The following ALPK2 variants were observed in gnomAD, a reference collection of about 807,000 sequenced individuals.
The protein encoded by ALPK2 is alpha-protein kinase 2.
Under a neutral mutation model 163.1 loss-of-function variants are expected in ALPK2, and 127 were observed. That is an observed-to-expected ratio of 0.78 (90% CI 0.67 to 0.90). ALPK2 has a LOEUF of 0.90. Among genes scored for constraint, ALPK2 ranks in the 40% least tolerant of loss-of-function variants. The probability of loss-of-function intolerance (pLI) is 0.00; values close to 1 mark genes in which losing one functional copy is unlikely to be tolerated. For missense variants in ALPK2, 2,360 were observed against 2,589.6 expected (o/e 0.91, Z 1.92); for synonymous variants, 953 against 959.1 (o/e 0.99, Z 0.12).
intron 8 of ALPK2, among the ~76,000 whole-genome samples, chr18:58,520,023 T>C (rs955393549): frequency 2.0e-5 from 3 of 152,304 alleles, no homozygotes; most frequent in African/African-American, 7.2e-5. Flanking sequence ...ACTGCAAGTC[T>C]CAGGTTGTGA....
intron 4 of ALPK2, among the ~76,000 whole-genome samples, chr18:58,541,559 T>A (rs2051689811): frequency 6.6e-6 from 1 of 152,228 alleles, no homozygotes; most frequent in Non-Finnish European, 1.5e-5. Context: ...TGTAAAAAAA[T>A]TGGTTGAATC....
intron 4 of ALPK2, among the ~76,000 whole-genome samples, chr18:58,558,451 G>GT (rs1223878644): frequency 3.9e-5 from 6 of 152,148 alleles, no homozygotes; most frequent in African/African-American, 1.4e-4. Context: ...AGTAAAAGAC[G>GT]TAAGTGTCTT....
In ALPK2 at chr18:58,523,860, G is replaced by C. The variant is rs779789870; in HGVS notation, c.5630-19C>G. Reference sequence around the variant, plus strand: ...TTGAGAACTAGAAGAAGACAAAGCAGAGAATGGCTTCAGTACAGATGTCCA... The same window carrying C: ...TTGAGAACTAGAAGAAGACAAAGCACAGAATGGCTTCAGTACAGATGTCCA... On this transcript the variant is annotated intron_variant, in intron 7 of 12. Coordinates refer to ENST00000361673, the MANE Select transcript of ALPK2 (RefSeq NM_052947.4). The C allele has an allele frequency of 6.2e-7, 1 of 1,614,208 alleles. No individual in the cohort carries two copies. Among genetic ancestry groups the C allele is most frequent in the South Asian group, 1.1e-5 (1 of 91,082 alleles).
At chr18:58,551,123 C>A (rs908989932) in intron 4 of ALPK2, among the ~76,000 whole-genome samples, 4 of 125,432 alleles carry the variant, frequency 3.2e-5, no homozygotes, top group South Asian at 5.8e-4. Context: ...AAAAAAAAAC[C>A]CACATTTTTT....
intron 12 of ALPK2, among the ~76,000 whole-genome samples, chr18:58,486,885 A>G (rs998441990): frequency 1.3e-5 from 2 of 152,216 alleles, no homozygotes; most frequent in Non-Finnish European, 1.5e-5. Flanking sequence ...TTCAAAGGAC[A>G]TGAATTCAAT....
chr18:58,485,454 A>T (rs73443171), intron 12 of ALPK2, among the ~76,000 whole-genome samples: 6,280 of 152,286 alleles, frequency 0.041, 400 homozygotes, highest in African/African-American at 0.14. Context: ...CGTGATTGTT[A>T]TAAATCCAGC....
intron 3 of ALPK2, among the ~76,000 whole-genome samples, chr18:58,603,107 C>A (rs1022698663): frequency 3.2e-4 from 48 of 152,136 alleles, no homozygotes; most frequent in Admixed American, 2.7e-3. Context: ...CAGCCTATAC[C>A]GCTGCTCTGC....
chr18:58,543,262 G>C (rs1050286014), intron 4 of ALPK2: 1 of 734,596 alleles, frequency 1.4e-6, no homozygotes, highest in East Asian at 1.3e-4. Flanking sequence ...CTCCAGAGCT[G>C]TAAGAAATAC....
At chr18:58,612,902 A>G (rs1454039398) in intron 1 of ALPK2, among the ~76,000 whole-genome samples, 2 of 152,170 alleles carry the variant, frequency 1.3e-5, no homozygotes, top group African/African-American at 4.8e-5. Context: ...GACAAAGAAA[A>G]GAACCACACT....
chr18:58,560,593 C>T (rs376996709), intron 4 of ALPK2, among the ~76,000 whole-genome samples: 2 of 152,226 alleles, frequency 1.3e-5, no homozygotes, highest in Admixed American at 1.3e-4. Flanking sequence ...ATAATTTCCC[C>T]ATGTCAGGGT....
At chr18:58,578,733 G>GACACACACACACACAC (rs71173065) in intron 4 of ALPK2, 81 bp downstream of exon 4, 11,636 of 531,332 alleles carry the variant, frequency 0.022, 399 homozygotes, top group African/African-American at 0.046. Context: ...TAAAGGAAGA[G>GACACACACACACACAC]ACACACACAC....
intron 12 of ALPK2, among the ~76,000 whole-genome samples, chr18:58,490,637 AAAAG>A (rs2051369615): frequency 6.6e-6 from 1 of 152,152 alleles, no homozygotes; most frequent in South Asian, 2.1e-4. Context: ...AGAAAAAAAA[AAAAG>A]AATACAAAAA....
intron 2 of ALPK2, 50 bp downstream of exon 2, chr18:58,611,639 G>A: frequency 6.7e-7 from 1 of 1,502,680 alleles, no homozygotes; most frequent in African/African-American, 1.4e-5. Context: ...CAAGAAACCT[G>A]GTATGCAGGG....
At chr18:58,501,131 GTAAA>G (rs1238874503) in intron 11 of ALPK2, among the ~76,000 whole-genome samples, 1 of 152,192 alleles carries the variant, frequency 6.6e-6, no homozygotes, top group Admixed American at 6.5e-5. Context: ...TCAACAGAGA[GTAAA>G]TAAACACCAT....
intron 3 of ALPK2, among the ~76,000 whole-genome samples, chr18:58,594,316 C>T (rs2052030796): frequency 6.6e-6 from 1 of 152,138 alleles, no homozygotes; most frequent in Non-Finnish European, 1.5e-5. Flanking sequence ...ATTACTACCA[C>T]CACGCTTAGT....
chr18:58,553,398 A>C (rs981142156), intron 4 of ALPK2, among the ~76,000 whole-genome samples: 1 of 152,172 alleles, frequency 6.6e-6, no homozygotes, highest in African/African-American at 2.4e-5. Context: ...TCAGGACTCC[A>C]GCTCAGGGAA....
In ALPK2 at chr18:58,528,485, G is replaced by A. The variant is rs543731333; in HGVS notation, c.5501+606C>T. ...CAGGAGGTGGAGGCTGCAGTGAGCC[G>A]TGATTGCACCACTATACTCCAGCCT... is the stretch of plus-strand genomic sequence containing the variant. On this transcript the variant is annotated intron_variant, in intron 6 of 12. Transcript: ENST00000361673. Among the ~76,000 whole-genome samples the A allele has an allele frequency of 9.9e-5, 15 of 152,252 alleles. No homozygotes were observed. The South Asian group carries it at 1.5e-3, about 15-fold the overall frequency.
chr18:58,598,546 A>C (rs566077361), intron 3 of ALPK2, among the ~76,000 whole-genome samples: 2 of 152,072 alleles, frequency 1.3e-5, no homozygotes, highest in Non-Finnish European at 2.9e-5. Flanking sequence ...TGAGGAGGAG[A>C]AATAGGCTGG....
At chr18:58,531,990 C>T (rs1231712121) in intron 5 of ALPK2, among the ~76,000 whole-genome samples, 1 of 149,226 alleles carries the variant, frequency 6.7e-6, no homozygotes, top group African/African-American at 2.5e-5. Flanking sequence ...GGCTGGCCCT[C>T]TGAATGCTGC....
Sources: allele counts gnomAD v4.1 joint callset (sites outside exome capture counted in the v4.1 genomes callset), GRCh38; gene constraint gnomAD v4.1.1; transcripts MANE v1.5; gene names NCBI Gene and HGNC (gene_info 2026-07-23, HGNC 2026-07-21).